Variants in GRIN3A observed in about 807,000 individuals in gnomAD.
GRIN3A encodes the protein glutamate ionotropic receptor NMDA type subunit 3A, also known as glutamate receptor ionotropic, NMDA 3A.
In GRIN3A, 47 loss-of-function variants were observed where a neutral mutation model predicts 92.4. The ratio of observed to expected loss-of-function variants is 0.51; its 90% CI spans 0.40 to 0.65. The LOEUF is 0.65. Among genes scored for constraint, GRIN3A ranks in the 30% least tolerant of loss-of-function variants. The pLI is 0.00. For missense variants in GRIN3A, 1,324 were observed against 1,393.1 expected (o/e 0.95, Z 0.79); for synonymous variants, 527 against 540.6 (o/e 0.97, Z 0.35).
chr9:101,649,711 T>C (rs767355985), intron 3 of GRIN3A, among the ~76,000 whole-genome samples: 53 of 152,180 alleles, frequency 3.5e-4, no homozygotes, highest in Non-Finnish European at 5.9e-4. Flanking sequence ...GTATTCTTGT[T>C]TTTGAATAGT....
At chr9:101,584,694 A>G (rs1242071946) in intron 6 of GRIN3A, among the ~76,000 whole-genome samples, 6 of 152,222 alleles carry the variant, frequency 3.9e-5, no homozygotes, top group Admixed American at 1.3e-4. Flanking sequence ...ATTTCTAGGA[A>G]TGGACCAAAT....
intron 6 of GRIN3A, among the ~76,000 whole-genome samples, chr9:101,581,685 T>C (rs1036080482): frequency 6.6e-6 from 1 of 152,148 alleles, no homozygotes; most frequent in Non-Finnish European, 1.5e-5. Context: ...ACTTCTCTTC[T>C]TTATAAAGTA....
intron 1 of GRIN3A, among the ~76,000 whole-genome samples, chr9:101,704,715 A>G (rs1301392041): frequency 6.6e-6 from 1 of 152,192 alleles, no homozygotes; most frequent in Non-Finnish European, 1.5e-5. Flanking sequence ...ATAGGCTGAT[A>G]GAAGTGTTCT....
At chr9:101,584,047 G>T (rs1020318272) in intron 6 of GRIN3A, among the ~76,000 whole-genome samples, 8 of 152,248 alleles carry the variant, frequency 5.3e-5, no homozygotes, top group Middle Eastern at 6.8e-3. Flanking sequence ...AGTAGAGACA[G>T]GGTTTCACCA....
chr9:101,659,912 A>G (rs916218556), intron 3 of GRIN3A, among the ~76,000 whole-genome samples: 1 of 151,942 alleles, frequency 6.6e-6, no homozygotes, highest in Non-Finnish European at 1.5e-5. Flanking sequence ...AAATAAATAA[A>G]TAAGTTACAT....
At chr9:101,630,459 G>A (rs1828696238) in intron 3 of GRIN3A, among the ~76,000 whole-genome samples, 1 of 152,168 alleles carries the variant, frequency 6.6e-6, no homozygotes, top group African/African-American at 2.4e-5. Context: ...CAAGAAATGT[G>A]AGGTAGATAT....
At chr9:101,595,809 T>A (rs778476483) in intron 6 of GRIN3A, among the ~76,000 whole-genome samples, 3 of 152,216 alleles carry the variant, frequency 2.0e-5, no homozygotes, top group Admixed American at 6.5e-5. Context: ...TCTTTGTTGT[T>A]GGTGCCTGGC....
In GRIN3A at chr9:101,571,334, T is replaced by C. The variant is rs894806239; in HGVS notation, c.*1840A>G. On this transcript the variant is annotated 3_prime_UTR_variant, in exon 9 of 9. Coordinates refer to ENST00000361820, the MANE Select transcript of GRIN3A (RefSeq NM_133445.3). ...AGGTGTTATCTAACTACAGCTTAAG[T>C]TGTTATTCCCTGGGTGACTGGGTAG... is the stretch of plus-strand genomic sequence containing the variant. 6.6e-6 allele frequency: 1 copy of C among 152,146 alleles called. No homozygotes were observed. The highest frequency in any genetic ancestry group is 2.4e-5 in the African/African-American group (1 of 41,442). The allele number at this position is 152,146 out of a possible 1,614,324, so 9.4% of individuals were successfully genotyped here. A position where few individuals can be genotyped will look rare whatever the true frequency, so the allele number is the denominator to read the frequency against.
At chr9:101,689,966 T>G (rs919373582) in intron 1 of GRIN3A, among the ~76,000 whole-genome samples, 4 of 152,112 alleles carry the variant, frequency 2.6e-5, no homozygotes, top group African/African-American at 7.2e-5. Flanking sequence ...AAAAGTAATT[T>G]CCATATTGTT....
chr9:101,688,440 C>T (rs1268106730), intron 1 of GRIN3A, among the ~76,000 whole-genome samples: 1 of 152,146 alleles, frequency 6.6e-6, no homozygotes. Flanking sequence ...GAGAATTTGT[C>T]TTTTGTCTTT....
chr9:101,682,809 C>T (rs904548787), intron 2 of GRIN3A, among the ~76,000 whole-genome samples: 2 of 151,948 alleles, frequency 1.3e-5, no homozygotes, highest in African/African-American at 4.8e-5. Flanking sequence ...GGTGAAACCC[C>T]GTCTCTACTA....
At chr9:101,722,147 G>T (rs1403686486) in intron 1 of GRIN3A, among the ~76,000 whole-genome samples, 1 of 152,232 alleles carries the variant, frequency 6.6e-6, no homozygotes, top group Non-Finnish European at 1.5e-5. Context: ...TGCTCCAGCT[G>T]TGGCTGAAAG....
chr9:101,659,988 T>A (rs1402802128), intron 3 of GRIN3A, among the ~76,000 whole-genome samples: 1 of 151,876 alleles, frequency 6.6e-6, no homozygotes, highest in African/African-American at 2.4e-5. Flanking sequence ...TTCCTATGGT[T>A]TCTTGAATTG....
intron 3 of GRIN3A, among the ~76,000 whole-genome samples, chr9:101,633,683 C>T (rs1286960118): frequency 1.3e-5 from 2 of 152,142 alleles, no homozygotes; most frequent in Non-Finnish European, 2.9e-5. Flanking sequence ...TTGCACATCC[C>T]TTACAAGAAT....
rs141474288 is a variant in GRIN3A, at chr9:101,611,060, T to C, written c.2766+2316A>G. Among the ~76,000 whole-genome samples the C allele has an allele frequency of 5.9e-3, 882 of 148,920 alleles. 8 individuals carry two copies. Among genetic ancestry groups the C allele is most frequent in the African/African-American group, 0.02 (817 of 40,274 alleles). ...TTGCAGTGAGCCTAGATCATGCCAC[T>C]GCACTCCAGCCTGGGTTACAGTGTG... On this transcript the variant is annotated intron_variant, in intron 6 of 8. Transcript: ENST00000361820.
chr9:101,581,743 G>A (rs185038958), intron 6 of GRIN3A, among the ~76,000 whole-genome samples: 239 of 152,322 alleles, frequency 1.6e-3, no homozygotes, highest in Non-Finnish European at 2.7e-3. Context: ...ACAAAGATAT[G>A]CAGTGAGAGA....
intron 6 of GRIN3A, among the ~76,000 whole-genome samples, chr9:101,585,805 A>G (rs1827944240): frequency 6.6e-6 from 1 of 152,202 alleles, no homozygotes; most frequent in African/African-American, 2.4e-5. Flanking sequence ...TCTTCACAGC[A>G]GTGAGAATGA....
chr9:101,573,155 A>C lies in GRIN3A; in HGVS notation c.*19T>G, dbSNP rs778683815. ...TCAGAGGAAGGTCAGGAACTGAGAAAGGGAAGCAGTGTGGTCACCTAGGAC... is the reference window on the plus strand; with the variant it reads ...TCAGAGGAAGGTCAGGAACTGAGAACGGGAAGCAGTGTGGTCACCTAGGAC... On this transcript the variant is annotated 3_prime_UTR_variant, in exon 9 of 9. Transcript: ENST00000361820. The C allele has an allele frequency of 3.1e-6, 5 of 1,599,822 alleles. No individual in the cohort carries two copies. The highest frequency in any genetic ancestry group is 4.3e-6 in the Non-Finnish European group (5 of 1,167,052).
chr9:101,652,120 C>T (rs973396227), intron 3 of GRIN3A, among the ~76,000 whole-genome samples: 3 of 151,952 alleles, frequency 2.0e-5, no homozygotes, highest in Non-Finnish European at 4.4e-5. Context: ...TGTCTGGGGA[C>T]GGTGCCATGA....
Sources: gnomAD v4.1 joint callset for allele counts (sites outside exome capture counted in the v4.1 genomes callset) on GRCh38, gnomAD v4.1.1 for gene constraint, MANE v1.5 for transcripts, NCBI Gene and HGNC (gene_info 2026-07-23, HGNC 2026-07-21) for gene names.